Variants in PARD3 observed in about 807,000 individuals in gnomAD.
PARD3 encodes the protein partitioning defective 3 homolog.
Under a neutral mutation model 155.4 loss-of-function variants are expected in PARD3, and 75 were observed. The observed-to-expected ratio is 0.48, with a 90% CI of 0.40 to 0.58. PARD3 has a LOEUF of 0.58. Among genes scored for constraint, PARD3 ranks in the 20% least tolerant of loss-of-function variants. The pLI is 0.00. For missense variants in PARD3, 1,642 were observed against 1,721.7 expected (o/e 0.95, Z 0.82); for synonymous variants, 576 against 610.5 (o/e 0.94, Z 0.83).
intron 2 of PARD3, among the ~76,000 whole-genome samples, chr10:34,667,025 C>T (rs975785023): frequency 1.3e-5 from 2 of 151,492 alleles, no homozygotes; most frequent in African/African-American, 4.9e-5. Context: ...AAAAATTAGC[C>T]GACGTGGTGG....
intron 2 of PARD3, among the ~76,000 whole-genome samples, chr10:34,581,225 T>C (rs1484358740): frequency 7.7e-6 from 1 of 129,682 alleles, no homozygotes; most frequent in Admixed American, 7.6e-5. Flanking sequence ...TTATTTTTCT[T>C]TTTCTTTTCT....
At chr10:34,712,078 A>G (rs1019544026) in intron 1 of PARD3, among the ~76,000 whole-genome samples, 2 of 152,152 alleles carry the variant, frequency 1.3e-5, no homozygotes, top group African/African-American at 4.8e-5. Flanking sequence ...GCCCCGATAA[A>G]TATCTTACTC....
chr10:34,318,201 A>C (rs1378817171), intron 19 of PARD3, among the ~76,000 whole-genome samples: 3 of 152,198 alleles, frequency 2.0e-5, no homozygotes, highest in Non-Finnish European at 2.9e-5. Flanking sequence ...TAACTGAAGT[A>C]AGTCTCCCCC....
At chr10:34,341,598 T>A (rs761081087) in intron 16 of PARD3, 29 bp downstream of exon 16, 1 of 1,572,718 alleles carries the variant, frequency 6.4e-7, no homozygotes, top group South Asian at 1.2e-5. Flanking sequence ...AATTAATTCA[T>A]GTTTTCCAAC....
chr10:34,507,540 T>TAAAAAAAGAAA (rs1554880641), intron 3 of PARD3, among the ~76,000 whole-genome samples: 1 of 43,304 alleles, frequency 2.3e-5, no homozygotes, highest in Admixed American at 2.1e-4. Flanking sequence ...TCAGATCAAT[T>TAAAAAAAGAAA]AAAAAAACAA....
chr10:34,464,449 A>AC (rs2077879784), intron 4 of PARD3, among the ~76,000 whole-genome samples: 1 of 152,184 alleles, frequency 6.6e-6, no homozygotes, highest in Non-Finnish European at 1.5e-5. Context: ...ATTTATGTGA[A>AC]ACAATTACTA....
At chr10:34,632,255 T>C (rs149453004) in intron 2 of PARD3, among the ~76,000 whole-genome samples, 2 of 152,290 alleles carry the variant, frequency 1.3e-5, no homozygotes, top group African/African-American at 4.8e-5. Context: ...CAAGACCGTG[T>C]CTCAAAAAGA....
At chr10:34,292,008 A>G (rs1956698160) in intron 20 of PARD3, among the ~76,000 whole-genome samples, 1 of 152,224 alleles carries the variant, frequency 6.6e-6, no homozygotes, top group Admixed American at 6.5e-5. Context: ...GCTCCTAATC[A>G]TTGCAAAAGA....
intron 5 of PARD3, among the ~76,000 whole-genome samples, chr10:34,418,766 C>G (rs1234164088): frequency 2.0e-5 from 3 of 151,932 alleles, no homozygotes; most frequent in Non-Finnish European, 2.9e-5. Flanking sequence ...CCTGAGAGAG[C>G]TTTAGAATTT....
At chr10:34,751,324 T>A (rs945042142) in intron 1 of PARD3, among the ~76,000 whole-genome samples, 8 of 152,192 alleles carry the variant, frequency 5.3e-5, no homozygotes, top group Non-Finnish European at 1.2e-4. Context: ...ACTCCATGCT[T>A]ATAAGACAGA....
chr10:34,245,898 C>T (rs1588918940), intron 22 of PARD3, among the ~76,000 whole-genome samples: 2 of 152,176 alleles, frequency 1.3e-5, no homozygotes, highest in African/African-American at 2.4e-5. Context: ...GGCACTACTA[C>T]AGTGTCAATG....
chr10:34,352,653 C>G (rs978802662), intron 14 of PARD3, among the ~76,000 whole-genome samples: 8 of 152,348 alleles, frequency 5.3e-5, no homozygotes, highest in African/African-American at 1.7e-4. Flanking sequence ...AGTGCTCAAT[C>G]TTGCCCAGGC....
intron 5 of PARD3, among the ~76,000 whole-genome samples, chr10:34,449,598 T>A (rs1589618688): frequency 6.7e-6 from 1 of 148,736 alleles, no homozygotes; most frequent in African/African-American, 2.5e-5. Flanking sequence ...ACTTAAAGTA[T>A]AAAAAAAAAG....
chr10:34,709,949 G>A (rs553231171), intron 1 of PARD3, among the ~76,000 whole-genome samples: 2 of 152,190 alleles, frequency 1.3e-5, no homozygotes, highest in Admixed American at 1.3e-4. Flanking sequence ...AATACAGGAA[G>A]CCAGCATTCT....
At chr10:34,679,243 G>A (rs74132091) in intron 2 of PARD3, among the ~76,000 whole-genome samples, 4,542 of 152,282 alleles carry the variant, frequency 0.03, 221 homozygotes, top group African/African-American at 0.1. Context: ...GCATCCGGCA[G>A]TGTGGACTCC....
intron 19 of PARD3, among the ~76,000 whole-genome samples, chr10:34,320,813 G>C (rs938911103): frequency 6.6e-6 from 1 of 152,088 alleles, no homozygotes; most frequent in Non-Finnish European, 1.5e-5. Context: ...GCACATTGGA[G>C]GATTCTTTAT....
At chr10:34,423,719 A>T (rs891420238) in intron 5 of PARD3, among the ~76,000 whole-genome samples, 1 of 152,154 alleles carries the variant, frequency 6.6e-6, no homozygotes, top group Non-Finnish European at 1.5e-5. Flanking sequence ...GGGCATGTTT[A>T]AAAAAAGCTA....
At chr10:34,166,381 G>A (rs1418250705) in intron 22 of PARD3, among the ~76,000 whole-genome samples, 1 of 152,048 alleles carries the variant, frequency 6.6e-6, no homozygotes, top group Admixed American at 6.6e-5. Flanking sequence ...GGGAAGCCAA[G>A]GCAAGAAGAC....
intron 22 of PARD3, among the ~76,000 whole-genome samples, chr10:34,217,606 C>A (rs2133445995): frequency 6.6e-6 from 1 of 152,242 alleles, no homozygotes; most frequent in East Asian, 1.9e-4. Flanking sequence ...GGCATGGAAC[C>A]ATGCTCGTGG....
Sources: allele counts gnomAD v4.1 joint callset (sites outside exome capture counted in the v4.1 genomes callset), GRCh38; gene constraint gnomAD v4.1.1; transcripts MANE v1.5; gene names NCBI Gene and HGNC (gene_info 2026-07-23, HGNC 2026-07-21).